The following PCNX1 variants were observed in gnomAD, a reference collection of about 807,000 sequenced individuals.
PCNX1 encodes the protein pecanex-like protein 1.
A neutral mutation model predicts 242.2 loss-of-function variants in PCNX1; 78 were observed. The observed-to-expected ratio is 0.32, with a 90% CI of 0.27 to 0.39. PCNX1 has a LOEUF of 0.39. PCNX1 is among the 10% of genes least tolerant of loss of function. The pLI, the probability that PCNX1 is intolerant of heterozygous loss-of-function variation, is 1.00. For missense variants in PCNX1, 2,581 were observed against 2,856.5 expected, an observed-to-expected ratio of 0.90 and a Z score of 2.20; for synonymous variants, 1,024 against 1,032.9, an observed-to-expected ratio of 0.99 and a Z score of 0.17.
Position 70,911,983 on chromosome 14 carries a change from C to T in PCNX1, c.153+3980C>T, listed in dbSNP as rs555109557. Reference sequence around the variant, plus strand: ...ATTTATGGCTGGGCGCGGTGGCTCACGCACTTTGGGAGGCCGAGGCAGGCA... The same window carrying T: ...ATTTATGGCTGGGCGCGGTGGCTCATGCACTTTGGGAGGCCGAGGCAGGCA... On this transcript the variant is annotated intron_variant, in intron 1 of 35. Transcript: ENST00000304743. Among the ~76,000 whole-genome samples the T allele has an allele frequency of 4.6e-5, 7 of 152,180 alleles. No homozygotes were observed. The South Asian group carries it at 6.2e-4, about 14-fold the overall frequency.
chr14:71,008,655 CAAAAA>C (rs777494885), intron 8 of PCNX1, among the ~76,000 whole-genome samples: 1 of 32,752 alleles, frequency 3.1e-5, no homozygotes, highest in Non-Finnish European at 7.7e-5. Flanking sequence ...GACTCTGTCT[CAAAAA>C]AAAAAAAAAA....
At chr14:71,103,735 C>T (rs988723086) in intron 32 of PCNX1, 66 bp downstream of exon 32, 9 of 1,478,632 alleles carry the variant, frequency 6.1e-6, no homozygotes, top group African/African-American at 4.2e-5. Context: ...AGGCAGTGTG[C>T]ATCACCTGGG....
At chr14:70,930,531 C>T (rs1283738121) in intron 1 of PCNX1, among the ~76,000 whole-genome samples, 1 of 151,928 alleles carries the variant, frequency 6.6e-6, no homozygotes, top group East Asian at 1.9e-4. Context: ...TATGGAGTGA[C>T]AAACAGATTT....
intron 6 of PCNX1, among the ~76,000 whole-genome samples, chr14:70,982,518 T>C (rs891183680): frequency 6.6e-6 from 1 of 152,228 alleles, no homozygotes; most frequent in Non-Finnish European, 1.5e-5. Flanking sequence ...TATAATGCTA[T>C]ACTCATTGTA....
At chr14:70,985,148 G>T (rs953693091) in intron 6 of PCNX1, among the ~76,000 whole-genome samples, 4 of 152,146 alleles carry the variant, frequency 2.6e-5, no homozygotes, top group Non-Finnish European at 4.4e-5. Context: ...GATTGCATCA[G>T]TATAACAAAA....
chr14:70,908,017 CG>C lies in PCNX1; in HGVS notation c.153+18del. 3 of 1,555,792 alleles carry C rather than the reference CG, an allele frequency of 1.9e-6. No individual in the cohort carries two copies. Among genetic ancestry groups the C allele is most frequent in the Non-Finnish European group, 2.6e-6 (3 of 1,155,014 alleles). The stretch of plus-strand genomic sequence containing the variant: ...ACCCTCTACATGGTGAGTGTGGGGG[CG>C]GGGAGCGGGTGGCTCCTTCCCCGCG... On this transcript the variant is annotated intron_variant, in intron 1 of 35. Coordinates refer to ENST00000304743, the MANE Select transcript of PCNX1 (RefSeq NM_014982.3).
chr14:71,020,991 T>C (rs565089099), intron 12 of PCNX1, among the ~76,000 whole-genome samples: 3 of 152,218 alleles, frequency 2.0e-5, no homozygotes, highest in Non-Finnish European at 4.4e-5. Context: ...GTAGCCAGTT[T>C]TCCCAACACC....
At chr14:71,055,937 G>A (rs2061172135) in intron 25 of PCNX1, among the ~76,000 whole-genome samples, 1 of 152,078 alleles carries the variant, frequency 6.6e-6, no homozygotes, top group Non-Finnish European at 1.5e-5. Flanking sequence ...TCAATGTTTT[G>A]GTCAATATTA....
Position 70,978,091 on chromosome 14 carries a change from G to C in PCNX1, c.1754G>C (p.Gly585Ala), listed in dbSNP as rs1222572126. ...SRHRDYVCFR[G>A]VSGTKPHSAI... is the part of the protein sequence containing the mutation. ...CATAGGGACTATGTTTGCTTTCGAG[G>C]TGTTTCTGGTACCAAGCCACACAGT... The change falls in exon 6 of 36, where the codon GGT becomes GCT. Residue 585 changes from glycine (G) to alanine (A), a missense_variant. This residue lies in a region of PCNX1 where 1,204 missense variants were observed against 1,216.7 expected (regional missense o/e 0.99). Coordinates refer to ENST00000304743, the MANE Select transcript of PCNX1 (RefSeq NM_014982.3). 6.2e-7 allele frequency: 1 copy of C among 1,614,114 alleles called. No individual in the cohort carries two copies. Among genetic ancestry groups the C allele is most frequent in the Non-Finnish European group, 8.5e-7 (1 of 1,180,026 alleles).
intron 7 of PCNX1, among the ~76,000 whole-genome samples, chr14:70,989,653 C>T (rs774727979): frequency 5.2e-4 from 79 of 151,396 alleles, no homozygotes; most frequent in Non-Finnish European, 9.4e-4. Context: ...GCTCAGCCTC[C>T]CGAGGAGCTG....
intron 1 of PCNX1, among the ~76,000 whole-genome samples, chr14:70,939,897 C>G (rs1214527341): frequency 6.6e-6 from 1 of 152,130 alleles, no homozygotes. Flanking sequence ...CCTTCTTTGT[C>G]TCTTTTGATC....
At chr14:71,080,488 A>G (rs1270974137) in intron 28 of PCNX1, among the ~76,000 whole-genome samples, 1 of 152,084 alleles carries the variant, frequency 6.6e-6, no homozygotes, top group Non-Finnish European at 1.5e-5. Flanking sequence ...CACAATATTG[A>G]TTCTTCCTAT....
chr14:70,908,825 T>G, intron 1 of PCNX1, among the ~76,000 whole-genome samples: 1 of 152,120 alleles, frequency 6.6e-6, no homozygotes, highest in East Asian at 1.9e-4. Flanking sequence ...TGTTGCTGAA[T>G]TCGGTGCGAT....
At chr14:71,049,921 A>T (rs2060973937) in intron 22 of PCNX1, among the ~76,000 whole-genome samples, 1 of 152,224 alleles carries the variant, frequency 6.6e-6, no homozygotes, top group East Asian at 1.9e-4. Context: ...CCTTAAATGA[A>T]ATTAAAATGT....
intron 28 of PCNX1, among the ~76,000 whole-genome samples, chr14:71,084,352 C>G (rs2061931243): frequency 1.3e-5 from 2 of 152,230 alleles, no homozygotes; most frequent in Non-Finnish European, 2.9e-5. Context: ...AGGAGGCAGT[C>G]TGTCCCTTAG....
At chr14:71,011,281 G>C (rs1336383998) in intron 9 of PCNX1, among the ~76,000 whole-genome samples, 1 of 152,120 alleles carries the variant, frequency 6.6e-6, no homozygotes, top group Non-Finnish European at 1.5e-5. Flanking sequence ...GAAGAGGGTA[G>C]GTAACTTGTC....
intron 26 of PCNX1, among the ~76,000 whole-genome samples, chr14:71,071,250 A>C (rs1274717095): frequency 6.6e-6 from 1 of 152,194 alleles, no homozygotes; most frequent in African/African-American, 2.4e-5. Context: ...ATCAGCAATA[A>C]GGCTTTTTTG....
At chr14:70,939,204 G>C (rs1015868665) in intron 1 of PCNX1, among the ~76,000 whole-genome samples, 8 of 152,198 alleles carry the variant, frequency 5.3e-5, no homozygotes, top group Admixed American at 5.2e-4. Flanking sequence ...TGCTTCTCTA[G>C]TTCTTTTAAT....
chr14:71,032,007 GAC>G, intron 16 of PCNX1: 1 of 976,312 alleles, frequency 1.0e-6, no homozygotes, highest in Non-Finnish European at 1.6e-6. Context: ...AAGAATTCAA[GAC>G]ACGGACACAC....
Sources: allele counts gnomAD v4.1 joint callset (sites outside exome capture counted in the v4.1 genomes callset), GRCh38; gene constraint gnomAD v4.1.1; regional missense constraint gnomAD v4.1.1; transcripts MANE v1.5; gene names NCBI Gene and HGNC (gene_info 2026-07-23, HGNC 2026-07-21).